Variants in MVB12B observed in about 807,000 individuals in gnomAD.
The protein encoded by MVB12B is multivesicular body subunit 12B.
A neutral mutation model predicts 41.6 loss-of-function variants in MVB12B; 16 were observed. The ratio of observed to expected loss-of-function variants is 0.38; its 90% confidence interval spans 0.26 to 0.58. The LOEUF (loss-of-function observed/expected upper bound fraction) is 0.58, where lower values mean the gene tolerates loss of function less well. MVB12B is among the 20% of genes least tolerant of loss of function. MVB12B has a pLI of 0.62. For synonymous variants in MVB12B, 133 were observed against 139.7 expected, an observed-to-expected ratio of 0.95 and a Z score of 0.34; for missense variants, 274 against 380.2, an observed-to-expected ratio of 0.72 and a Z score of 2.32.
intron 7 of MVB12B, among the ~76,000 whole-genome samples, chr9:126,433,978 C>T (rs896594470): frequency 7.9e-5 from 12 of 152,186 alleles, no homozygotes; most frequent in African/African-American, 2.2e-4. Context: ...GTTGAACAGT[C>T]GCACAAGCTT....
At chr9:126,336,764 A>G (rs967869916) in intron 1 of MVB12B, among the ~76,000 whole-genome samples, 2 of 151,818 alleles carry the variant, frequency 1.3e-5, no homozygotes, top group Admixed American at 6.6e-5. Flanking sequence ...GCACACACAC[A>G]CACACACACA....
intron 2 of MVB12B, among the ~76,000 whole-genome samples, chr9:126,341,704 TTAGCAGCA>T (rs965122795): frequency 4.6e-5 from 7 of 152,220 alleles, no homozygotes; most frequent in African/African-American, 1.7e-4. Context: ...CGTATGATGT[TTAGCAGCA>T]TTCCTGGCCT....
In MVB12B at chr9:126,487,727, A is replaced by G. The variant is rs547561584; in HGVS notation, c.873+3695A>G. Among the ~76,000 whole-genome samples, 3 of 148,912 alleles carry G rather than the reference A, an allele frequency of 2.0e-5. No homozygotes were observed. In the East Asian group the frequency reaches 6.1e-4, roughly 30 times the overall value. Reference sequence around the variant, plus strand: ...GGTTGCAGTGAGCCGAGATTGCACCATTGCATTCCGGCCTGGGCCACAGGG... The same window carrying G: ...GGTTGCAGTGAGCCGAGATTGCACCGTTGCATTCCGGCCTGGGCCACAGGG... On this transcript the variant is annotated intron_variant, in intron 9 of 9. Coordinates refer to ENST00000361171, the MANE Select transcript of MVB12B (RefSeq NM_033446.3).
chr9:126,416,577 G>C (rs1831832414), intron 6 of MVB12B, among the ~76,000 whole-genome samples: 1 of 152,206 alleles, frequency 6.6e-6, no homozygotes, highest in Non-Finnish European at 1.5e-5. Flanking sequence ...GGCCCTGATT[G>C]AGTAGTCTCA....
Position 126,342,805 on chromosome 9 carries a change from A to G in MVB12B, c.204+2175A>G, listed in dbSNP as rs117147529. Among the ~76,000 whole-genome samples, 259 of 152,342 alleles carry G rather than the reference A, an allele frequency of 1.7e-3. 2 individuals are homozygous for G. The East Asian group carries it at 0.035, about 20-fold the overall frequency. ...TCTCATTCCTTTTATCTGGAGTTTC[A>G]TATTAAGTCAATATCCAAACCAAAG... On this transcript the variant is annotated intron_variant, in intron 2 of 9. Coordinates refer to ENST00000361171, the MANE Select transcript of MVB12B (RefSeq NM_033446.3).
chr9:126,374,425 G>C (rs1292620521), intron 2 of MVB12B, among the ~76,000 whole-genome samples: 2 of 152,258 alleles, frequency 1.3e-5, no homozygotes, highest in Non-Finnish European at 2.9e-5. Flanking sequence ...CCAGTGGGCT[G>C]TTCAGGGCTT....
At chr9:126,472,869 T>G (rs1322737285) in intron 7 of MVB12B, among the ~76,000 whole-genome samples, 1 of 152,206 alleles carries the variant, frequency 6.6e-6, no homozygotes, top group African/African-American at 2.4e-5. Context: ...GAATGCTAAT[T>G]GCGCCACAGA....
Position 126,426,395 on chromosome 9 carries a change from C to T in MVB12B, c.757+4447C>T, listed in dbSNP as rs1293240365. Among the ~76,000 whole-genome samples the T allele has an allele frequency of 5.9e-5, 9 of 152,210 alleles. No individual in the cohort carries two copies. In the East Asian group the frequency reaches 1.7e-3, roughly 29 times the overall value. ...TTGTGCCTTTGGTTTTTCGAGCATG[C>T]CTTTAAGATCTTACCTCTTTGGAGG... On this transcript the variant is annotated intron_variant, in intron 7 of 9. Coordinates refer to ENST00000361171, the MANE Select transcript of MVB12B (RefSeq NM_033446.3).
At chr9:126,329,864 C>G (rs373232349) in intron 1 of MVB12B, among the ~76,000 whole-genome samples, 2 of 151,876 alleles carry the variant, frequency 1.3e-5, no homozygotes, top group African/African-American at 4.8e-5. Flanking sequence ...CTCCTTCTCC[C>G]CAGGCTGCTC....
At chr9:126,369,426 T>C (rs1830273962) in intron 2 of MVB12B, among the ~76,000 whole-genome samples, 1 of 152,230 alleles carries the variant, frequency 6.6e-6, no homozygotes, top group Non-Finnish European at 1.5e-5. Flanking sequence ...GGTCTTGATG[T>C]TTCACCAAAT....
At chr9:126,476,530 G>A (rs371473006) in intron 7 of MVB12B, among the ~76,000 whole-genome samples, 157 of 152,314 alleles carry the variant, frequency 1.0e-3, no homozygotes, top group African/African-American at 3.4e-3. Context: ...ATATGCATAC[G>A]TATGCACTTA....
chr9:126,429,396 G>T (rs922174809), intron 7 of MVB12B, among the ~76,000 whole-genome samples: 6 of 152,238 alleles, frequency 3.9e-5, no homozygotes, highest in Non-Finnish European at 5.9e-5. Flanking sequence ...AACCATGTGT[G>T]TGCTGTCAGG....
At chr9:126,368,646 C>G (rs1830247999) in intron 2 of MVB12B, among the ~76,000 whole-genome samples, 1 of 152,094 alleles carries the variant, frequency 6.6e-6, no homozygotes, top group Admixed American at 6.5e-5. Context: ...TCCTCTAATG[C>G]CAATACATCT....
chr9:126,336,566 A>G (rs1188911741), intron 1 of MVB12B, among the ~76,000 whole-genome samples: 1 of 152,212 alleles, frequency 6.6e-6, no homozygotes, highest in East Asian at 1.9e-4. Flanking sequence ...CCCAAGCGCT[A>G]TCTGCAGCAC....
At chr9:126,377,991 C>T (rs551636091) in intron 2 of MVB12B, among the ~76,000 whole-genome samples, 22 of 152,326 alleles carry the variant, frequency 1.4e-4, no homozygotes, top group African/African-American at 1.9e-4. Context: ...CAGTGATGCC[C>T]GCAGGGAAAG....
At chr9:126,381,522 A>G in intron 3 of MVB12B, among the ~76,000 whole-genome samples, 1 of 152,188 alleles carries the variant, frequency 6.6e-6, no homozygotes, top group East Asian at 1.9e-4. Flanking sequence ...GCTGGCCAGC[A>G]AAGGCAGCAT....
At chr9:126,497,046 T>A (rs1408145780) in intron 9 of MVB12B, among the ~76,000 whole-genome samples, 2 of 152,240 alleles carry the variant, frequency 1.3e-5, no homozygotes, top group East Asian at 1.9e-4. Flanking sequence ...AGGAAGAGAC[T>A]GGACTGGCAG....
chr9:126,412,278 G>A (rs573898133), intron 6 of MVB12B, among the ~76,000 whole-genome samples: 4 of 152,210 alleles, frequency 2.6e-5, no homozygotes, highest in South Asian at 2.1e-4. Flanking sequence ...GAAGCTGTGC[G>A]TCACAGATGA....
chr9:126,477,586 G>A (rs1414930787), intron 7 of MVB12B, among the ~76,000 whole-genome samples: 2 of 152,140 alleles, frequency 1.3e-5, no homozygotes, highest in Non-Finnish European at 2.9e-5. Context: ...GAGAGCATGT[G>A]CAGGGGAAAC....
Sources: gnomAD v4.1 joint callset for allele counts (sites outside exome capture counted in the v4.1 genomes callset) on GRCh38, gnomAD v4.1.1 for gene constraint, MANE v1.5 for transcripts, NCBI Gene and HGNC (gene_info 2026-07-23, HGNC 2026-07-21) for gene names.